ARSG: variants seen among roughly 807,000 people sequenced by gnomAD.
ARSG encodes the protein arylsulfatase G.
A neutral mutation model predicts 50.5 loss-of-function variants in ARSG; 37 were observed. The observed-to-expected ratio is 0.73, with a 90% confidence interval of 0.56 to 0.96. The LOEUF is 0.96. Among genes scored for constraint, ARSG ranks in the 50% least tolerant of loss-of-function variants. The pLI is 0.00. For missense variants in ARSG, 629 were observed against 675.3 expected (o/e 0.93, Z 0.76); for synonymous variants, 225 against 254.6 (o/e 0.88, Z 1.11).
Position 68,307,427 on chromosome 17 carries a change from G to A in ARSG, c.-67G>A. 1 of 1,263,614 alleles carries A rather than the reference G, an allele frequency of 7.9e-7. No homozygotes were observed. The highest frequency in any genetic ancestry group is 1.1e-6 in the Non-Finnish European group (1 of 880,416). 78.3% of individuals were successfully genotyped at this position (1,263,614 alleles called of 1,614,324 possible). A position where few individuals can be genotyped will look rare whatever the true frequency, so the allele number is the denominator to read the frequency against. On this transcript the variant is annotated 5_prime_UTR_variant, in exon 2 of 12. Transcript: ENST00000621439. ...TGCTTTGAAAGTGAGCAGAAAGGAA[G>A]CTCTCAGAAAAATCTCTAGTGGTGG... is the stretch of plus-strand genomic sequence containing the variant.
intron 2 of ARSG, among the ~76,000 whole-genome samples, chr17:68,309,661 C>T (rs1208485345): frequency 6.6e-6 from 1 of 152,056 alleles, no homozygotes; most frequent in East Asian, 2.0e-4. Flanking sequence ...GAGTTCGAGA[C>T]TAGCCTGGCC....
intron 9 of ARSG, among the ~76,000 whole-genome samples, chr17:68,389,399 G>A (rs1304461220): frequency 6.6e-6 from 1 of 152,070 alleles, no homozygotes; most frequent in Non-Finnish European, 1.5e-5. Context: ...AGGGTGCCAG[G>A]GAAGCTGCCC....
chr17:68,278,617 CTTTT>C (rs56870988), intron 1 of ARSG, among the ~76,000 whole-genome samples: 10 of 111,982 alleles, frequency 8.9e-5, no homozygotes, highest in Admixed American at 3.0e-4. Context: ...TTTCTTTTTC[CTTTT>C]TTTTTTTTTT....
chr17:68,336,857 A>G (rs1036741097), intron 2 of ARSG, among the ~76,000 whole-genome samples: 2 of 152,146 alleles, frequency 1.3e-5, no homozygotes, highest in Non-Finnish European at 2.9e-5. Context: ...CTCTGTCTCA[A>G]ATAAATAAAT....
intron 6 of ARSG, among the ~76,000 whole-genome samples, chr17:68,366,821 T>C (rs2079570920): frequency 6.6e-6 from 1 of 152,182 alleles, no homozygotes; most frequent in South Asian, 2.1e-4. Context: ...TTTGCAACAA[T>C]TACCACTATC....
chr17:68,271,090 C>G lies in ARSG; in HGVS notation c.-552+11664C>G. Reference sequence around the variant, plus strand: ...GCAGATGAGCTCAATGTAAATCTTACGAATGGGCTCCCTGTTGAGGACAAA... The same window carrying G: ...GCAGATGAGCTCAATGTAAATCTTAGGAATGGGCTCCCTGTTGAGGACAAA... On this transcript the variant is annotated intron_variant, in intron 1 of 11. Transcript: ENST00000448504. The surrounding 1 kb of genome is among the most constrained non-coding windows in gnomAD (Gnocchi z 5.3). The G allele has an allele frequency of 6.2e-7, 1 of 1,614,126 alleles. No individual in the cohort carries two copies. Among genetic ancestry groups the G allele is most frequent in the Non-Finnish European group, 8.5e-7 (1 of 1,180,016 alleles).
chr17:68,354,209 C>T (rs1446474797), intron 5 of ARSG, among the ~76,000 whole-genome samples: 2 of 147,192 alleles, frequency 1.4e-5, no homozygotes, highest in African/African-American at 5.0e-5. Flanking sequence ...CCTTGTGAAC[C>T]CAGGAGTTTG....
intron 1 of ARSG, among the ~76,000 whole-genome samples, chr17:68,280,236 G>A (rs2075652437): frequency 6.8e-6 from 1 of 146,050 alleles, no homozygotes; most frequent in Admixed American, 6.8e-5. Flanking sequence ...AATCTACAGA[G>A]TGGATTCCTA....
At chr17:68,268,964 A>G (rs1395263677) in intron 1 of ARSG, 1 of 1,507,486 alleles carries the variant, frequency 6.6e-7, no homozygotes, top group East Asian at 2.3e-5. Context: ...TGCTCTTCAC[A>G]TACACATTCC....
At chr17:68,380,129 C>T (rs564216605) in intron 8 of ARSG, among the ~76,000 whole-genome samples, 136 of 152,336 alleles carry the variant, frequency 8.9e-4, no homozygotes, top group African/African-American at 3.2e-3. Context: ...TGATGATCCA[C>T]TTCCACTTAA....
chr17:68,327,798 C>T (rs8065201), intron 2 of ARSG, among the ~76,000 whole-genome samples: 56,931 of 151,964 alleles, frequency 0.37, 12,881 homozygotes, highest in African/African-American at 0.64. Flanking sequence ...CAGAGCATGA[C>T]GGGTTATGGT....
At chr17:68,345,912 G>A (rs1317878302) in intron 3 of ARSG, among the ~76,000 whole-genome samples, 2 of 151,972 alleles carry the variant, frequency 1.3e-5, no homozygotes, top group East Asian at 3.9e-4. Flanking sequence ...GTCTTACTCT[G>A]TCACCCAGGC....
At chr17:68,305,928 T>C (rs2076588194) in intron 1 of ARSG, among the ~76,000 whole-genome samples, 1 of 151,682 alleles carries the variant, frequency 6.6e-6, no homozygotes, top group Admixed American at 6.6e-5. Flanking sequence ...ATACAAAAAT[T>C]AGCTGGGGTG....
At chr17:68,428,742 G>C in the ARSG span, 4 of 991,034 alleles carry the variant, frequency 4.0e-6, no homozygotes, top group East Asian at 2.5e-5. Context: ...TCAATGCAAG[G>C]GCACTGAAGC....
At chr17:68,379,916 C>T (rs550757586) in intron 8 of ARSG, 1 of 953,996 alleles carries the variant, frequency 1.0e-6, no homozygotes, top group South Asian at 4.8e-5. Flanking sequence ...TGTACACTGT[C>T]TTATATAACT....
chr17:68,419,491 G>T (rs753495971), intron 11 of ARSG, among the ~76,000 whole-genome samples: 1 of 152,190 alleles, frequency 6.6e-6, no homozygotes, highest in Non-Finnish European at 1.5e-5. Context: ...CAGGAGAATT[G>T]CTTGAACCTG....
chr17:68,285,341 G>A (rs2145163477), intron 1 of ARSG, among the ~76,000 whole-genome samples: 1 of 152,336 alleles, frequency 6.6e-6, no homozygotes, highest in Middle Eastern at 3.4e-3. Flanking sequence ...GACGTGGAGT[G>A]CAGTGGCACG....
chr17:68,427,498 A>T (rs2083277004), downstream of ARSG: 1 of 307,560 alleles, frequency 3.3e-6, no homozygotes, highest in Admixed American at 4.7e-5. Context: ...CTGCGACTAC[A>T]GGCACCCACC....
chr17:68,425,837 T>G, downstream of ARSG: 1 of 438,652 alleles, frequency 2.3e-6, no homozygotes, highest in Non-Finnish European at 4.1e-6. Flanking sequence ...CAAGACTCCC[T>G]GGATTAGTAT....
Sources: allele counts gnomAD v4.1 joint callset (sites outside exome capture counted in the v4.1 genomes callset), GRCh38; gene constraint gnomAD v4.1.1; non-coding constraint Gnocchi (gnomAD v3.1); transcripts MANE v1.5; gene names NCBI Gene and HGNC (gene_info 2026-07-23, HGNC 2026-07-21).